The following PLCG2 variants were observed in gnomAD, a reference collection of about 807,000 sequenced individuals.
PLCG2 encodes the protein phospholipase C gamma 2.
A neutral mutation model predicts 175.6 loss-of-function variants in PLCG2; 69 were observed. That is an observed-to-expected ratio of 0.39 (90% confidence interval 0.32 to 0.48). The LOEUF is 0.48. Among genes scored for constraint, PLCG2 ranks in the 20% least tolerant of loss-of-function variants. The pLI is 0.91. For synonymous variants in PLCG2, 827 were observed against 624.0 expected (o/e 1.33, Z -4.85); for missense variants, 1,798 against 1,650.9 (o/e 1.09, Z -1.54).
At chr16:81,876,016 C>CTTTTTTTTTTTTTTTTTTTTTTTT (rs547152035) in intron 7 of PLCG2, among the ~76,000 whole-genome samples, 2 of 114,992 alleles carry the variant, frequency 1.7e-5, no homozygotes, top group African/African-American at 3.2e-5. Flanking sequence ...CTTTTTCTTT[C>CTTTTTTTTTTTTTTTTTTTTTTTT]TTTTTTTTTT....
intron 7 of PLCG2, among the ~76,000 whole-genome samples, chr16:81,876,977 A>T (rs535643257): frequency 1.1e-3 from 172 of 152,226 alleles, no homozygotes; most frequent in African/African-American, 3.9e-3. Context: ...TGGCCCTTGG[A>T]CTTGTTAGGA....
At chr16:81,754,855 A>T (rs1028277498) in intron 1 of PLCG2, among the ~76,000 whole-genome samples, 11 of 152,226 alleles carry the variant, frequency 7.2e-5, no homozygotes, top group African/African-American at 2.7e-4. Context: ...AACTTTAGTT[A>T]TCATTATTAT....
chr16:81,765,192 C>A (rs540222009), intron 2 of PLCG2, among the ~76,000 whole-genome samples: 1 of 152,240 alleles, frequency 6.6e-6, no homozygotes, highest in East Asian at 1.9e-4. Flanking sequence ...GGCAACACAG[C>A]GACACACAGG....
intron 2 of PLCG2, among the ~76,000 whole-genome samples, chr16:81,757,417 A>T (rs544380219): frequency 4.4e-4 from 67 of 152,194 alleles, no homozygotes; most frequent in South Asian, 2.3e-3. Context: ...TATAAACATT[A>T]GCCGGGCGCG....
At chr16:81,779,718 G>C (rs1472236284) in intron 1 of PLCG2, among the ~76,000 whole-genome samples, 2 of 152,128 alleles carry the variant, frequency 1.3e-5, no homozygotes, top group Admixed American at 6.5e-5. Context: ...GAAGGTCAGG[G>C]GTCGTGTGGG....
chr16:81,881,995 G>C (rs1034280443), intron 8 of PLCG2, among the ~76,000 whole-genome samples: 2 of 152,228 alleles, frequency 1.3e-5, no homozygotes, highest in Non-Finnish European at 2.9e-5. Flanking sequence ...GTGTTAGACT[G>C]TGAGGCTGGT....
intron 2 of PLCG2, among the ~76,000 whole-genome samples, chr16:81,843,859 G>A (rs903531893): frequency 3.3e-5 from 5 of 152,330 alleles, no homozygotes; most frequent in African/African-American, 4.8e-5. Context: ...TTGATGTGCC[G>A]TTGGTTGTGT....
At chr16:81,956,003 A>G (rs1452292073) in intron 31 of PLCG2, among the ~76,000 whole-genome samples, 1 of 152,176 alleles carries the variant, frequency 6.6e-6, no homozygotes, top group East Asian at 1.9e-4. Context: ...GCCACAATCA[A>G]TTTTAGAACA....
Position 81,908,467 on chromosome 16 carries a change from G to A in PLCG2, c.1609G>A (p.Val537Met), listed in dbSNP as rs1909475104. 2 of 1,614,176 alleles carry A rather than the reference G, an allele frequency of 1.2e-6. No individual in the cohort carries two copies. The highest frequency in any genetic ancestry group is 8.5e-7 in the Non-Finnish European group (1 of 1,180,034). Residue 537 changes from valine to methionine, a missense_variant, in exon 17 of 33, where the codon GTG becomes ATG. Coordinates refer to ENST00000564138, the MANE Select transcript of PLCG2 (RefSeq NM_002661.5). ...HFGEKWFHKK[V>M]EKRTSAEKLL... ...TGGGGAGAAATGGTTCCACAAGAAG[G>A]TGGAGAAGAGGACGAGTGCCGAGAA...
intron 2 of PLCG2, among the ~76,000 whole-genome samples, chr16:81,812,160 C>A (rs1904348423): frequency 6.6e-6 from 1 of 151,028 alleles, no homozygotes; most frequent in East Asian, 2.0e-4. Flanking sequence ...CGCCATTCTC[C>A]TGTCTCAGCC....
intron 14 of PLCG2, among the ~76,000 whole-genome samples, chr16:81,904,393 C>G (rs559640767): frequency 6.6e-6 from 1 of 152,326 alleles, no homozygotes; most frequent in Non-Finnish European, 1.5e-5. Flanking sequence ...GTTACATGAC[C>G]CTCAACTTAC....
At chr16:81,936,935 C>A (rs1004500082) in intron 27 of PLCG2, among the ~76,000 whole-genome samples, 1 of 151,934 alleles carries the variant, frequency 6.6e-6, no homozygotes, top group Non-Finnish European at 1.5e-5. Flanking sequence ...TAATAAGTCC[C>A]CGTGGAGGCA....
At chr16:81,946,545 G>C (rs1013456199) in intron 31 of PLCG2, among the ~76,000 whole-genome samples, 16 of 152,074 alleles carry the variant, frequency 1.1e-4, no homozygotes, top group Admixed American at 5.9e-4. Flanking sequence ...ACTTCAGCAA[G>C]AGCCAGGCCA....
At chr16:81,794,562 G>C (rs981866100) in intron 2 of PLCG2, among the ~76,000 whole-genome samples, 1 of 152,162 alleles carries the variant, frequency 6.6e-6, no homozygotes, top group Admixed American at 6.5e-5. Flanking sequence ...CTTGGTAGGG[G>C]TGTGACCTTG....
At position 81,958,089 on chromosome 16, in the gene PLCG2, C is replaced by G. The variant is rs865944264; in HGVS notation, c.*91C>G. ...GCCCTATTCACACTCTGGGAAGACG[C>G]TAATCTGTGACATCTTTTCTTCAAG... On this transcript the variant is annotated 3_prime_UTR_variant, in exon 33 of 33. Coordinates refer to ENST00000564138, the MANE Select transcript of PLCG2 (RefSeq NM_002661.5). 1.1e-6 allele frequency: 1 copy of G among 888,942 alleles called. No homozygotes were observed. The highest frequency in any genetic ancestry group is 1.6e-5 in the African/African-American group (1 of 61,248). The allele number at this position is 888,942 out of a possible 1,614,324, so 55.1% of individuals were successfully genotyped here. A position where few individuals can be genotyped will look rare whatever the true frequency, so the allele number is the denominator to read the frequency against.
intron 2 of PLCG2, among the ~76,000 whole-genome samples, chr16:81,800,650 A>G (rs191592935): frequency 1.8e-4 from 28 of 152,114 alleles, no homozygotes; most frequent in African/African-American, 6.8e-4. Context: ...TATCTTCGCT[A>G]TTGTGATACT....
At position 81,908,424 on chromosome 16, in the gene PLCG2, C is replaced by G. The variant is rs753080096; in HGVS notation, c.1566C>G (p.Pro522=). 1.2e-6 allele frequency: 2 copies of G among 1,613,756 alleles called. No individual in the cohort carries two copies. The highest frequency in any genetic ancestry group is 1.1e-5 in the South Asian group (1 of 91,006). The change falls in exon 17 of 33, where the codon CCC becomes CCG. Residue 522 remains proline (P), a synonymous_variant. Coordinates refer to ENST00000564138, the MANE Select transcript of PLCG2 (RefSeq NM_002661.5). The part of the protein sequence containing the change: ...TMEEEVPQDI[P]PTELHFGEKW... ...CTCTCTTTGCGGCCCAGGATATACC[C>G]CCTACAGAACTACATTTTGGGGAGA...
chr16:81,920,605 G>T (rs917185166), intron 20 of PLCG2, among the ~76,000 whole-genome samples: 3 of 152,138 alleles, frequency 2.0e-5, no homozygotes, highest in Non-Finnish European at 4.4e-5. Flanking sequence ...AGTGAATGAA[G>T]GGGTGACTCT....
At chr16:81,826,266 C>T (rs1905044530) in intron 2 of PLCG2, among the ~76,000 whole-genome samples, 1 of 152,174 alleles carries the variant, frequency 6.6e-6, no homozygotes, top group South Asian at 2.1e-4. Flanking sequence ...TGGAGATGTG[C>T]TTCCCTCTGC....
Sources: allele counts gnomAD v4.1 joint callset (sites outside exome capture counted in the v4.1 genomes callset), GRCh38; gene constraint gnomAD v4.1.1; transcripts MANE v1.5; gene names NCBI Gene and HGNC (gene_info 2026-07-23, HGNC 2026-07-21).